The following RAB3C variants were observed in gnomAD, a reference collection of about 807,000 sequenced individuals.
RAB3C encodes the protein ras-related protein Rab-3C.
Under a neutral mutation model 26.4 loss-of-function variants are expected in RAB3C, and 17 were observed. The ratio of observed to expected loss-of-function variants is 0.64; its 90% CI spans 0.44 to 0.97. The LOEUF (loss-of-function observed/expected upper bound fraction) is 0.97. RAB3C is among the 50% of genes least tolerant of loss of function. The pLI is 0.00. For missense variants in RAB3C, 242 were observed against 281.9 expected (o/e 0.86, Z 1.01); for synonymous variants, 91 against 95.9 (o/e 0.95, Z 0.30).
intron 1 of RAB3C, among the ~76,000 whole-genome samples, chr5:58,615,969 C>T (rs570142966): frequency 5.5e-5 from 7 of 127,768 alleles, no homozygotes; most frequent in South Asian, 2.8e-4. Context: ...TGTAAACATA[C>T]GTGTACACAC....
intron 4 of RAB3C, among the ~76,000 whole-genome samples, chr5:58,850,016 T>C (rs1744081101): frequency 1.3e-5 from 2 of 152,152 alleles, no homozygotes; most frequent in Non-Finnish European, 2.9e-5. Flanking sequence ...TCAGAATGGA[T>C]TAGAAAAGCC....
rs1215610046 is a variant in RAB3C, at chr5:58,837,654, G to A, written c.496+12492G>A. On this transcript the variant is annotated intron_variant, in intron 4 of 4. Transcript: ENST00000282878. ...GATCACTGCAACCTCCACCTCCAAGGTTCAAGTGATTCTTCTGCCTTAGCC... is the reference window on the plus strand; with the variant it reads ...GATCACTGCAACCTCCACCTCCAAGATTCAAGTGATTCTTCTGCCTTAGCC... Among the ~76,000 whole-genome samples the A allele has an allele frequency of 4.0e-5, 6 of 149,768 alleles. No individual in the cohort carries two copies. In the East Asian group the frequency reaches 9.8e-4, roughly 25 times the overall value.
intron 2 of RAB3C, among the ~76,000 whole-genome samples, chr5:58,693,336 G>GTGTATATATATATATATATATA (rs1554048065): frequency 3.6e-5 from 4 of 111,774 alleles, no homozygotes; most frequent in African/African-American, 1.5e-4. Context: ...ATATATATGT[G>GTGTATATATATATATATATATA]TATATATATA....
At chr5:58,586,384 T>C (rs949058813) in intron 1 of RAB3C, among the ~76,000 whole-genome samples, 5 of 152,018 alleles carry the variant, frequency 3.3e-5, no homozygotes, top group African/African-American at 1.2e-4. Flanking sequence ...AGACATAAAT[T>C]GGTGGTGTAA....
chr5:58,687,156 T>A (rs990262157), intron 2 of RAB3C, among the ~76,000 whole-genome samples: 1 of 152,088 alleles, frequency 6.6e-6, no homozygotes, highest in Non-Finnish European at 1.5e-5. Flanking sequence ...TCTTCGTGAG[T>A]TGAAGCCCTT....
intron 2 of RAB3C, among the ~76,000 whole-genome samples, chr5:58,649,611 C>T (rs1270216702): frequency 6.6e-6 from 1 of 152,070 alleles, no homozygotes; most frequent in Non-Finnish European, 1.5e-5. Flanking sequence ...AGAGGAGGCT[C>T]CAAGGCACCC....
At chr5:58,835,684 T>C (rs1743731075) in intron 4 of RAB3C, among the ~76,000 whole-genome samples, 1 of 152,212 alleles carries the variant, frequency 6.6e-6, no homozygotes. Context: ...TCCAGGTCCA[T>C]GTAACCGAAA....
intron 3 of RAB3C, among the ~76,000 whole-genome samples, chr5:58,790,352 A>C (rs574682500): frequency 2.0e-5 from 3 of 152,360 alleles, no homozygotes; most frequent in South Asian, 2.1e-4. Context: ...ATTTCAAAAG[A>C]GTAGCAAATT....
chr5:58,628,985 G>T (rs905411966), intron 2 of RAB3C, among the ~76,000 whole-genome samples: 5 of 114,152 alleles, frequency 4.4e-5, no homozygotes, highest in African/African-American at 1.4e-4. Context: ...GTACCCAGAA[G>T]TTCAATACCA....
At chr5:58,729,751 TTA>T (rs1300370476) in intron 3 of RAB3C, among the ~76,000 whole-genome samples, 3 of 135,806 alleles carry the variant, frequency 2.2e-5, no homozygotes, top group Admixed American at 7.1e-5. Context: ...ATATTTATAT[TTA>T]TATATATACA....
intron 3 of RAB3C, among the ~76,000 whole-genome samples, chr5:58,770,791 A>G (rs1006316705): frequency 6.6e-6 from 1 of 152,092 alleles, no homozygotes; most frequent in African/African-American, 2.4e-5. Flanking sequence ...TTTACTTTAC[A>G]TGTGTTATTT....
chr5:58,584,228 T>G (rs561112584), intron 1 of RAB3C, among the ~76,000 whole-genome samples: 1 of 152,324 alleles, frequency 6.6e-6, no homozygotes, highest in African/African-American at 2.4e-5. Context: ...TTCCAACTGG[T>G]TTCTTCATGA....
At chr5:58,817,690 C>G (rs62356570) in intron 3 of RAB3C, among the ~76,000 whole-genome samples, 25,508 of 152,028 alleles carry the variant, frequency 0.17, 2,328 homozygotes, top group Non-Finnish European at 0.21. Context: ...TACAAATCAC[C>G]TGGAGATTTC....
intron 2 of RAB3C, among the ~76,000 whole-genome samples, chr5:58,695,814 A>C (rs1197596620): frequency 6.6e-6 from 1 of 152,176 alleles, no homozygotes; most frequent in African/African-American, 2.4e-5. Flanking sequence ...CAGCTTAAGG[A>C]GATTTGGGCT....
chr5:58,822,570 A>G (rs965949504), intron 3 of RAB3C: 19 of 202,558 alleles, frequency 9.4e-5, no homozygotes, highest in Non-Finnish European at 1.4e-4. Flanking sequence ...TTAGGAAATG[A>G]CAAGAGGGTA....
intron 3 of RAB3C, among the ~76,000 whole-genome samples, chr5:58,743,115 A>C (rs1255148891): frequency 6.6e-6 from 1 of 152,186 alleles, no homozygotes. Flanking sequence ...GCAACCTTGG[A>C]AATTTGACAG....
intron 4 of RAB3C, among the ~76,000 whole-genome samples, chr5:58,841,193 C>T (rs1000517767): frequency 3.9e-5 from 6 of 152,188 alleles, no homozygotes; most frequent in African/African-American, 1.4e-4. Flanking sequence ...GGCAGATCAG[C>T]TGCTCAGAGA....
intron 4 of RAB3C, among the ~76,000 whole-genome samples, chr5:58,849,049 A>G (rs1299816220): frequency 2.0e-5 from 3 of 152,200 alleles, no homozygotes; most frequent in Non-Finnish European, 4.4e-5. Context: ...CAAATTGTAT[A>G]CCAATATGAT....
chr5:58,784,134 A>G (rs187547767), intron 3 of RAB3C, among the ~76,000 whole-genome samples: 1 of 152,296 alleles, frequency 6.6e-6, no homozygotes, highest in East Asian at 1.9e-4. Flanking sequence ...GTTTGAAAAC[A>G]TGGCTTAAAA....
Sources: allele counts gnomAD v4.1 joint callset (sites outside exome capture counted in the v4.1 genomes callset), GRCh38; gene constraint gnomAD v4.1.1; transcripts MANE v1.5; gene names NCBI Gene and HGNC (gene_info 2026-07-23, HGNC 2026-07-21).